Variants in RAPGEF2 observed in about 807,000 individuals in gnomAD.
The protein encoded by RAPGEF2 is Rap guanine nucleotide exchange factor 2.
RAPGEF2 carries 54 observed loss-of-function variants against 186.7 expected under a neutral mutation model. That is an observed-to-expected ratio of 0.29 (90% CI 0.23 to 0.36). RAPGEF2 has a LOEUF of 0.36. Among genes scored for constraint, RAPGEF2 ranks in the 10% least tolerant of loss-of-function variants. The probability of loss-of-function intolerance (pLI) is 1.00; values close to 1 mark genes in which losing one functional copy is unlikely to be tolerated. For synonymous variants in RAPGEF2, 712 were observed against 705.9 expected, an observed-to-expected ratio of 1.01 and a Z score of -0.14; for missense variants, 1,532 against 2,045.0, an observed-to-expected ratio of 0.75 and a Z score of 4.84.
At chr4:159,309,025 C>T (rs1428719947) in intron 8 of RAPGEF2, among the ~76,000 whole-genome samples, 1 of 152,180 alleles carries the variant, frequency 6.6e-6, no homozygotes, top group Non-Finnish European at 1.5e-5. Flanking sequence ...TGTTAAGTAG[C>T]TTTCTCCACA....
At chr4:159,256,547 C>A (rs555946205) in intron 7 of RAPGEF2, among the ~76,000 whole-genome samples, 87 of 152,246 alleles carry the variant, frequency 5.7e-4, no homozygotes, top group Non-Finnish European at 7.4e-4. Flanking sequence ...GATTTCTATT[C>A]TTTGGGTATA....
intron 28 of RAPGEF2, 78 bp downstream of exon 28, chr4:159,354,124 T>A: frequency 7.3e-7 from 1 of 1,368,638 alleles, no homozygotes; most frequent in Non-Finnish European, 9.8e-7. Context: ...TAAAATTATG[T>A]GTTTGTTGGT....
At chr4:159,145,190 T>A (rs796994220) in intron 1 of RAPGEF2, among the ~76,000 whole-genome samples, 12 of 152,232 alleles carry the variant, frequency 7.9e-5, no homozygotes, top group African/African-American at 2.9e-4. Context: ...CTGTTTTTTT[T>A]TCCCGCTTTA....
In RAPGEF2 at chr4:159,169,758, AT is replaced by A. The variant is rs968543680; in HGVS notation, c.70-16876del. ...ATATTGTCATAAATAATAGGATTTC[AT>A]TTTTTTTAAGGCTAATATTCTGTTA... On this transcript the variant is annotated intron_variant, in intron 1 of 29. Transcript: ENST00000691494. Among the ~76,000 whole-genome samples, 507 of 151,992 alleles carry A rather than the reference AT, an allele frequency of 3.3e-3. 3 individuals carry two copies. The highest frequency in any genetic ancestry group is 0.011 in the African/African-American group (473 of 41,434).
intron 7 of RAPGEF2, among the ~76,000 whole-genome samples, chr4:159,248,895 C>T (rs1754969092): frequency 6.6e-6 from 1 of 152,148 alleles, no homozygotes; most frequent in South Asian, 2.1e-4. Context: ...TTATATATTA[C>T]ATCATCTCTG....
intron 24 of RAPGEF2, among the ~76,000 whole-genome samples, chr4:159,346,546 A>G (rs1430045939): frequency 6.6e-6 from 1 of 152,150 alleles, no homozygotes; most frequent in Non-Finnish European, 1.5e-5. Flanking sequence ...TAATAGTACA[A>G]TCATCTTTTG....
chr4:159,172,671 G>GGGGA (rs1746036286), intron 1 of RAPGEF2, among the ~76,000 whole-genome samples: 1 of 152,112 alleles, frequency 6.6e-6, no homozygotes, highest in South Asian at 2.1e-4. Flanking sequence ...TCTGTAAGTG[G>GGGGA]GGGAGGTAGA....
At position 159,338,298 on chromosome 4, in the gene RAPGEF2, C is replaced by T. The variant is rs554876554; in HGVS notation, c.2136-13C>T. The T allele has an allele frequency of 4.4e-6, 7 of 1,590,682 alleles. No homozygotes were observed. In the African/African-American group the frequency reaches 6.7e-5, roughly 15 times the overall value. On this transcript the variant is annotated splice_polypyrimidine_tract_variant and intron_variant, in intron 17 of 29. Coordinates refer to ENST00000691494, the MANE Select transcript of RAPGEF2 (RefSeq NM_001394067.2). Reference sequence around the variant, plus strand: ...AACTTGTTGATAATTTTCTAATTTTCCTCTTTGTTCAGTGATATTGGGATT... The same window carrying T: ...AACTTGTTGATAATTTTCTAATTTTTCTCTTTGTTCAGTGATATTGGGATT...
At chr4:159,282,805 G>A (rs182846244) in intron 7 of RAPGEF2, among the ~76,000 whole-genome samples, 2 of 152,176 alleles carry the variant, frequency 1.3e-5, no homozygotes, top group African/African-American at 2.4e-5. Flanking sequence ...GCTATACAGT[G>A]TTTTTCTATT....
intron 4 of RAPGEF2, among the ~76,000 whole-genome samples, chr4:159,230,482 T>C (rs1752515328): frequency 2.0e-5 from 3 of 152,224 alleles, no homozygotes; most frequent in Admixed American, 6.5e-5. Flanking sequence ...GCTATATATC[T>C]TTAAAAATTA....
chr4:159,320,706 A>T (rs924882814), intron 9 of RAPGEF2, among the ~76,000 whole-genome samples: 2 of 152,120 alleles, frequency 1.3e-5, no homozygotes, highest in Admixed American at 1.3e-4. Context: ...TCCTTCCAGA[A>T]ATGTTGTATC....
intron 1 of RAPGEF2, among the ~76,000 whole-genome samples, chr4:159,144,116 A>G (rs1488733707): frequency 6.6e-6 from 1 of 152,188 alleles, no homozygotes; most frequent in Non-Finnish European, 1.5e-5. Flanking sequence ...GCAAATCACT[A>G]TTGAAAATTT....
At chr4:159,357,551 A>G (rs1300449012) in intron 29 of RAPGEF2, among the ~76,000 whole-genome samples, 2 of 152,166 alleles carry the variant, frequency 1.3e-5, no homozygotes, top group African/African-American at 4.8e-5. Flanking sequence ...AATCATAGAA[A>G]AAAGCAACAC....
Position 159,329,973 on chromosome 4 carries a change from A to G in RAPGEF2, c.1265A>G (p.Asp422Gly). 6.2e-7 allele frequency: 1 copy of G among 1,613,508 alleles called. No individual in the cohort carries two copies. Among genetic ancestry groups the G allele is most frequent in the South Asian group, 1.1e-5 (1 of 91,026 alleles). ...IVMVKEHREL[D>G]RTGTRKGHIV... is the part of the protein sequence containing the mutation. ...ATGGTGAAAGAACACCGAGAACTTG[A>G]TCGAACTGGAACAAGAAAGGGACAC... Residue 422 changes from aspartate to glycine, a missense_variant, in exon 12 of 30, where the codon GAT (aspartate) becomes GGT (glycine). Physicochemically the swap from Asp to Gly is moderately conservative, Grantham distance 94. This residue lies in a region of RAPGEF2 where 810 missense variants were observed against 1,210.5 expected (regional missense o/e 0.67). Transcript: ENST00000691494.
rs749397276 is a variant in RAPGEF2, at chr4:159,360,088, T to C, written c.*1949T>C. 8.5e-5 allele frequency: 13 copies of C among 152,244 alleles called. No individual in the cohort carries two copies. The highest frequency in any genetic ancestry group is 1.5e-4 in the Non-Finnish European group (10 of 68,046). The allele number at this position is 152,244 out of a possible 1,614,324, so 9.4% of individuals were successfully genotyped here. ...ATTTTTGTTGAAGATGGTAGAAATG[T>C]ACTATGTTTATGCTTCTACATCCAG... On this transcript the variant is annotated 3_prime_UTR_variant, in exon 30 of 30. Coordinates refer to ENST00000691494, the MANE Select transcript of RAPGEF2 (RefSeq NM_001394067.2).
intron 7 of RAPGEF2, among the ~76,000 whole-genome samples, chr4:159,296,111 G>T (rs1422920658): frequency 1.3e-5 from 2 of 152,124 alleles, no homozygotes; most frequent in African/African-American, 2.4e-5. Flanking sequence ...CATAAACCTT[G>T]TAAAGATTAA....
intron 28 of RAPGEF2, 48 bp downstream of exon 28, chr4:159,354,094 A>G: frequency 1.4e-6 from 2 of 1,470,832 alleles, no homozygotes; most frequent in East Asian, 2.3e-5. Flanking sequence ...TCATGTCTTT[A>G]ATGTAACTTA....
In RAPGEF2 at chr4:159,104,511, AGAGAGAGAGAGAGAGG is replaced by A. The variant is rs1189937900; in HGVS notation, c.69+287_69+302del. On this transcript the variant is annotated intron_variant, in intron 1 of 29. Coordinates refer to ENST00000691494, the MANE Select transcript of RAPGEF2 (RefSeq NM_001394067.2). ...AGCCGAGAGAGAGAGAGAGAGAGAG[AGAGAGAGAGAGAGAGG>A]GAGAGACAGAGAGAGAGAGAGAGAG... 4.7e-4 allele frequency among the ~76,000 whole-genome samples: 61 copies of A among 129,582 alleles called. 2 individuals are homozygous for A. Among genetic ancestry groups the A allele is most frequent in the Non-Finnish European group, 7.8e-4 (49 of 62,918 alleles). The allele number at this position is 129,582 out of a possible 152,430, so 85.0% of individuals were successfully genotyped here.
chr4:159,189,692 A>G (rs1231800040), intron 2 of RAPGEF2, among the ~76,000 whole-genome samples: 2 of 152,230 alleles, frequency 1.3e-5, no homozygotes, highest in Non-Finnish European at 2.9e-5. Context: ...GAAGGTCAAT[A>G]TGCTTCAGCT....
Sources: allele counts gnomAD v4.1 joint callset (sites outside exome capture counted in the v4.1 genomes callset), GRCh38; gene constraint gnomAD v4.1.1; regional missense constraint gnomAD v4.1.1; transcripts MANE v1.5; gene names NCBI Gene and HGNC (gene_info 2026-07-23, HGNC 2026-07-21).